LCN9: variants seen among roughly 807,000 people sequenced by gnomAD.
The protein encoded by LCN9 is lipocalin 9, also known as epididymal-specific lipocalin-9.
In LCN9, 22 loss-of-function variants were observed where a neutral mutation model predicts 18.5. That is an observed-to-expected ratio of 1.19 (90% CI 0.85 to 1.70). The LOEUF (loss-of-function observed/expected upper bound fraction) is 1.70. Among genes scored for constraint, LCN9 ranks in the 40% most tolerant of loss-of-function variants. LCN9 has a pLI of 0.00. For missense variants in LCN9, 202 were observed against 201.3 expected (o/e 1.00, Z -0.02); for synonymous variants, 89 against 83.0 (o/e 1.07, Z -0.39).
At position 135,664,424 on chromosome 9, in the gene LCN9, C is replaced by G. The variant is rs941101440; in HGVS notation, c.233+126C>G. ...CTTGCACTCTGGTGAGAGCCTGAGCCTGTGCGTGTGACCCTTGGGGGCAGG... is the reference window on the plus strand; with the variant it reads ...CTTGCACTCTGGTGAGAGCCTGAGCGTGTGCGTGTGACCCTTGGGGGCAGG... On this transcript the variant is annotated intron_variant, in intron 2 of 5. Coordinates refer to ENST00000619315, the Ensembl canonical transcript of LCN9. The surrounding 1 kb of genome is among the most constrained non-coding windows in gnomAD (Gnocchi z 4.5). 34 of 1,276,614 alleles carry G rather than the reference C, an allele frequency of 2.7e-5. No individual in the cohort carries two copies. In the African/African-American group the frequency reaches 5.0e-4, roughly 19 times the overall value. 79.1% of individuals were successfully genotyped at this position (1,276,614 alleles called of 1,614,324 possible). A position where few individuals can be genotyped will look rare whatever the true frequency, so the allele number is the denominator to read the frequency against.
rs1034023092 is a variant in LCN9 at position 135,665,970 on chromosome 9, G to A, written c.*119G>A. On this transcript the variant is annotated 3_prime_UTR_variant, in exon 6 of 6. Coordinates refer to ENST00000619315, the Ensembl canonical transcript of LCN9. The surrounding 1 kb of genome is among the most constrained non-coding windows in gnomAD (Gnocchi z 5.9). ...GGGAGAGCTTGGGGCCAACGTCAGA[G>A]GCTGCGGGGTCCCACCCCAGGAGGT... The A allele has an allele frequency of 5.0e-6, 8 of 1,599,186 alleles. No homozygotes were observed. The African/African-American group carries it at 9.4e-5, about 19-fold the overall frequency.
Position 135,664,691 on chromosome 9 carries a change from C to T in LCN9, c.234-31C>T, listed in dbSNP as rs372451753. On this transcript the variant is annotated intron_variant, in intron 2 of 5. Transcript: ENST00000619315. This position sits in a 1 kb window ranked among gnomAD's most constrained non-coding sequence, Gnocchi z 4.5. ...TCGCACGTCCAGGGGGCTGGAGCTC[C>T]ACTCCCGGCATCTTCCTGGCTGGCT... 1.0e-5 allele frequency: 16 copies of T among 1,549,364 alleles called. No homozygotes were observed. Among genetic ancestry groups the T allele is most frequent in the Non-Finnish European group, 1.3e-5 (15 of 1,149,116 alleles).
exon 6 of LCN9, chr9:135,666,519 A>T (rs564112): frequency 0.053 from 10,101 of 191,844 alleles, 346 homozygotes; most frequent in African/African-American, 0.1. Flanking sequence ...CCTTTGAGGG[A>T]CACCACTCAG....
chr9:135,665,360 C>A lies in LCN9; in HGVS notation c.418+5C>A. The stretch of plus-strand genomic sequence containing the variant: ...CCCACACGCTGGCGCTCTATGGTAC[C>A]TCCGCTGTCCCCCTCTGACCCCCTC... On this transcript the variant is annotated splice_donor_5th_base_variant and intron_variant, in intron 4 of 5. Transcript: ENST00000619315. The surrounding 1 kb of genome is among the most constrained non-coding windows in gnomAD (Gnocchi z 5.9). The A allele has an allele frequency of 6.3e-7, 1 of 1,583,584 alleles. No homozygotes were observed. Among genetic ancestry groups the A allele is most frequent in the Non-Finnish European group, 8.6e-7 (1 of 1,164,406 alleles).
In LCN9 at chr9:135,665,899, C is replaced by G; in HGVS notation, c.*48C>G. The G allele has an allele frequency of 1.9e-6, 3 of 1,612,144 alleles. No individual in the cohort carries two copies. The South Asian group carries it at 3.3e-5, about 18-fold the overall frequency. On this transcript the variant is annotated 3_prime_UTR_variant, in exon 6 of 6. Coordinates refer to ENST00000619315, the Ensembl canonical transcript of LCN9. The surrounding 1 kb of genome is among the most constrained non-coding windows in gnomAD (Gnocchi z 5.9). ...CAAGCATTACAGGAGCCCGCCCAGG[C>G]CTCCCATGCGTGAGCTGCGACTCGG...
In LCN9 at chr9:135,665,648, C is replaced by T. The variant is rs755152140; in HGVS notation, c.419-40C>T. 2 of 1,587,506 alleles carry T rather than the reference C, an allele frequency of 1.3e-6. No individual in the cohort carries two copies. The highest frequency in any genetic ancestry group is 1.3e-5 in the African/African-American group (1 of 74,510). ...CTTCACACAGAACCAACTCTGTTCC[C>T]AGCACGGGTCCCATAGCTGGAACCC... is the stretch of plus-strand genomic sequence containing the variant. On this transcript the variant is annotated intron_variant, in intron 4 of 5. Transcript: ENST00000619315. This position sits in a 1 kb window ranked among gnomAD's most constrained non-coding sequence, Gnocchi z 5.9.
chr9:135,666,181 A>C (rs1313290857), exon 6 of LCN9: 15 of 1,544,332 alleles, frequency 9.7e-6, no homozygotes, highest in Non-Finnish European at 1.2e-5. Flanking sequence ...GACTAGGACA[A>C]CCAGGATTTA....
In LCN9 at chr9:135,664,729, G is replaced by A. The variant is rs1834187446; in HGVS notation, c.241G>A (p.Gly81Arg). The A allele has an allele frequency of 6.3e-7, 1 of 1,596,690 alleles. No homozygotes were observed. Among genetic ancestry groups the A allele is most frequent in the Non-Finnish European group, 8.5e-7 (1 of 1,172,280 alleles). Reference sequence around the variant, plus strand: ...TTCCTGGCTGGCTTCCAGGGTGCAGGGGGAGTGTGTGGCTGTGGTCGTGGT... The same window carrying A: ...TTCCTGGCTGGCTTCCAGGGTGCAGAGGGAGTGTGTGGCTGTGGTCGTGGT... Residue 81 changes from glycine to arginine, a missense_variant, in exon 3 of 6, where the codon GGG becomes AGG. Coordinates refer to ENST00000619315, the Ensembl canonical transcript of LCN9. This position sits in a 1 kb window ranked among gnomAD's most constrained non-coding sequence, Gnocchi z 4.5.
chr9:135,664,009 A>G lies in LCN9; in HGVS notation c.97-153A>G, dbSNP rs1372435702. On this transcript the variant is annotated intron_variant, in intron 1 of 5. Coordinates refer to ENST00000619315, the Ensembl canonical transcript of LCN9. The surrounding 1 kb of genome is among the most constrained non-coding windows in gnomAD (Gnocchi z 4.5). ...TTGGGGGTAAAGGGGGGATCTGGTGACGAGGGGAGACCTGGGGGCACTGGA... is the reference window on the plus strand; with the variant it reads ...TTGGGGGTAAAGGGGGGATCTGGTGGCGAGGGGAGACCTGGGGGCACTGGA... 3.4e-5 allele frequency among the ~76,000 whole-genome samples: 4 copies of G among 116,512 alleles called. No individual in the cohort carries two copies. The highest frequency in any genetic ancestry group is 7.1e-5 in the Non-Finnish European group (4 of 56,158). 76.4% of individuals were successfully genotyped at this position (116,512 alleles called of 152,430 possible).
chr9:135,665,847 C>G lies in LCN9; in HGVS notation c.*10-14C>G. 1 of 1,612,662 alleles carries G rather than the reference C, an allele frequency of 6.2e-7. No homozygotes were observed. The highest frequency in any genetic ancestry group is 8.5e-7 in the Non-Finnish European group (1 of 1,179,378). Reference sequence around the variant, plus strand: ...TCCCTGTCCCTGCGCTGAGAGCCCCCTCTGTCCTTCCAGATCCCTGCTACT... The same window carrying G: ...TCCCTGTCCCTGCGCTGAGAGCCCCGTCTGTCCTTCCAGATCCCTGCTACT... On this transcript the variant is annotated splice_polypyrimidine_tract_variant and intron_variant, in intron 5 of 5. Coordinates refer to ENST00000619315, the Ensembl canonical transcript of LCN9. The surrounding 1 kb of genome is among the most constrained non-coding windows in gnomAD (Gnocchi z 5.9).
rs1834183327 is a variant in LCN9 at position 135,664,446 on chromosome 9, C to A, written c.233+148C>A. ...AGCCTGTGCGTGTGACCCTTGGGGG[C>A]AGGGTGAGGTGGGAGCAGGGACTTG... On this transcript the variant is annotated intron_variant, in intron 2 of 5. Coordinates refer to ENST00000619315, the Ensembl canonical transcript of LCN9. This position sits in a 1 kb window ranked among gnomAD's most constrained non-coding sequence, Gnocchi z 4.5. 7.3e-6 allele frequency: 8 copies of A among 1,092,448 alleles called. No individual in the cohort carries two copies. The highest frequency in any genetic ancestry group is 1.6e-5 in the African/African-American group (1 of 64,396). 67.7% of individuals were successfully genotyped at this position (1,092,448 alleles called of 1,614,324 possible).
chr9:135,664,695 C>T lies in LCN9; in HGVS notation c.234-27C>T, dbSNP rs1280813342. The T allele has an allele frequency of 6.4e-7, 1 of 1,556,434 alleles. No individual in the cohort carries two copies. The highest frequency in any genetic ancestry group is 1.4e-5 in the African/African-American group (1 of 72,788). On this transcript the variant is annotated intron_variant, in intron 2 of 5. Coordinates refer to ENST00000619315, the Ensembl canonical transcript of LCN9. This position sits in a 1 kb window ranked among gnomAD's most constrained non-coding sequence, Gnocchi z 4.5. Reference sequence around the variant, plus strand: ...ACGTCCAGGGGGCTGGAGCTCCACTCCCGGCATCTTCCTGGCTGGCTTCCA... The same window carrying T: ...ACGTCCAGGGGGCTGGAGCTCCACTTCCGGCATCTTCCTGGCTGGCTTCCA...
Position 135,664,381 on chromosome 9 carries a change from C to A in LCN9, c.233+83C>A. The A allele has an allele frequency of 6.6e-7, 1 of 1,522,232 alleles. No homozygotes were observed. 94.3% of individuals were successfully genotyped at this position (1,522,232 alleles called of 1,614,324 possible). Reference sequence around the variant, plus strand: ...GCATACTCTCACTCTTGCACACACACGCTCGCACACTCACTGACTTGCACT... The same window carrying A: ...GCATACTCTCACTCTTGCACACACAAGCTCGCACACTCACTGACTTGCACT... On this transcript the variant is annotated intron_variant, in intron 2 of 5. Transcript: ENST00000619315. This position sits in a 1 kb window ranked among gnomAD's most constrained non-coding sequence, Gnocchi z 4.5.
At position 135,664,303 on chromosome 9, in the gene LCN9, G is replaced by A. The variant is rs369580116; in HGVS notation, c.233+5G>A. The A allele has an allele frequency of 1.4e-5, 23 of 1,613,572 alleles. No homozygotes were observed. Among genetic ancestry groups the A allele is most frequent in the Middle Eastern group, 3.3e-4 (2 of 6,084 alleles). On this transcript the variant is annotated splice_donor_5th_base_variant and intron_variant, in intron 2 of 5. Coordinates refer to ENST00000619315, the Ensembl canonical transcript of LCN9. The surrounding 1 kb of genome is among the most constrained non-coding windows in gnomAD (Gnocchi z 4.5). ...AATATTTGATTTCGAATACATGTGC[G>A]TGTTGCCCATCTCAGCTGGCATCAG...
chr9:135,664,789 A>T lies in LCN9; in HGVS notation c.301A>T (p.Ile101Phe). The T allele has an allele frequency of 1.3e-6, 2 of 1,585,830 alleles. No homozygotes were observed. Among genetic ancestry groups the T allele is most frequent in the Non-Finnish European group, 1.7e-6 (2 of 1,166,268 alleles). The change falls in exon 3 of 6, where the codon ATC becomes TTC. Residue 101 changes from isoleucine to phenylalanine, a missense_variant. Ile to Phe is a conservative substitution (Grantham distance 21). Transcript: ENST00000619315. The surrounding 1 kb of genome is among the most constrained non-coding windows in gnomAD (Gnocchi z 4.5). ...GACAGAGAAGAATGGGGAATACTCC[A>T]TCAACTGTAAGTGGAAGCCAGGCTC...
rs533723011 is a variant in LCN9 at position 135,665,341 on chromosome 9, C to T, written c.404C>T (p.Thr135Met). 3.0e-5 allele frequency: 48 copies of T among 1,599,940 alleles called. No homozygotes were observed. The highest frequency in any genetic ancestry group is 2.7e-4 in the South Asian group (24 of 88,052). Residue 135 changes from threonine to methionine, a missense_variant, in exon 4 of 6, where the codon ACG becomes ATG. Transcript: ENST00000619315. This position sits in a 1 kb window ranked among gnomAD's most constrained non-coding sequence, Gnocchi z 5.9. ...TTCAGGAACGGGACCGAGACCCACA[C>T]GCTGGCGCTCTATGGTACCTCCGCT...
exon 6 of LCN9, chr9:135,666,425 G>A (rs569184640): frequency 8.4e-5 from 30 of 357,036 alleles, no homozygotes; most frequent in Middle Eastern, 1.7e-3. Flanking sequence ...ATGATCTCCC[G>A]TCAAGACCTC....
rs754572321 is a variant in LCN9 at position 135,664,747 on chromosome 9, G to A, written c.259G>A (p.Val87Ile). The A allele has an allele frequency of 1.3e-6, 2 of 1,598,940 alleles. No homozygotes were observed. Residue 87 changes from valine to isoleucine, a missense_variant, in exon 3 of 6, where the codon GTC (valine) becomes ATC (isoleucine). Val to Ile is a conservative substitution (Grantham distance 29). Transcript: ENST00000619315. This position sits in a 1 kb window ranked among gnomAD's most constrained non-coding sequence, Gnocchi z 4.5. ...GGTGCAGGGGGAGTGTGTGGCTGTG[G>A]TCGTGGTCTGCGAGAAGACAGAGAA...
rs1286349426 is a variant in LCN9, at chr9:135,665,603, G to A, written c.419-85G>A. ...CCTGCCCAGCCTCAGCACTTCCTGA[G>A]CACCCCCAGCAAGGCCCAGCTTCAC... On this transcript the variant is annotated intron_variant, in intron 4 of 5. Transcript: ENST00000619315. The surrounding 1 kb of genome is among the most constrained non-coding windows in gnomAD (Gnocchi z 5.9). 8.1e-6 allele frequency: 11 copies of A among 1,360,130 alleles called. No homozygotes were observed. The highest frequency in any genetic ancestry group is 1.0e-5 in the Non-Finnish European group (10 of 975,262). 84.3% of individuals were successfully genotyped at this position (1,360,130 alleles called of 1,614,324 possible).
Sources: allele counts gnomAD v4.1 joint callset (sites outside exome capture counted in the v4.1 genomes callset), GRCh38; gene constraint gnomAD v4.1.1; non-coding constraint Gnocchi (gnomAD v3.1); transcripts MANE v1.5; gene names NCBI Gene and HGNC (gene_info 2026-07-23, HGNC 2026-07-21).